DOP1A: variants seen among roughly 807,000 people sequenced by gnomAD.
DOP1A encodes the protein DOP1 leucine zipper like protein A, also known as protein DOP1A.
In DOP1A, 90 loss-of-function variants were observed where a neutral mutation model predicts 267.6. The observed-to-expected ratio is 0.34, with a 90% CI of 0.28 to 0.40. The LOEUF (loss-of-function observed/expected upper bound fraction) is 0.40, where lower values mean the gene tolerates loss of function less well. Among genes scored for constraint, DOP1A ranks in the 10% least tolerant of loss-of-function variants. The probability of loss-of-function intolerance (pLI) is 1.00; values close to 1 mark genes in which losing one functional copy is unlikely to be tolerated. For synonymous variants in DOP1A, 932 were observed against 999.1 expected (o/e 0.93, Z 1.27); for missense variants, 2,437 against 2,900.4 (o/e 0.84, Z 3.67).
At chr6:83,146,097 T>G (rs1021166200) in intron 25 of DOP1A, among the ~76,000 whole-genome samples, 3 of 152,212 alleles carry the variant, frequency 2.0e-5, no homozygotes, top group African/African-American at 7.2e-5. Context: ...TCAATGTCAT[T>G]TCTTGACCAT....
At chr6:83,069,208 G>A (rs1218958528) in intron 1 of DOP1A, among the ~76,000 whole-genome samples, 1 of 152,050 alleles carries the variant, frequency 6.6e-6, no homozygotes, top group East Asian at 1.9e-4. Flanking sequence ...AAAAGACCAG[G>A]GTTTTCCAAA....
chr6:83,134,914 G>A (rs1164821155), intron 19 of DOP1A, among the ~76,000 whole-genome samples: 6 of 152,140 alleles, frequency 3.9e-5, no homozygotes, highest in Non-Finnish European at 8.8e-5. Context: ...AGGATCAGAT[G>A]TGTCCTCTAC....
At chr6:83,077,932 T>G (rs888277568) in intron 1 of DOP1A, among the ~76,000 whole-genome samples, 4 of 152,182 alleles carry the variant, frequency 2.6e-5, no homozygotes, top group Non-Finnish European at 2.9e-5. Flanking sequence ...TGGGCCACAT[T>G]CAAAACTGTT....
intron 1 of DOP1A, among the ~76,000 whole-genome samples, chr6:83,071,730 A>C (rs1785637427): frequency 6.6e-6 from 1 of 152,250 alleles, no homozygotes; most frequent in African/African-American, 2.4e-5. Context: ...AGTTACTTTA[A>C]AAAATAGTAC....
Position 83,122,952 on chromosome 6 carries a change from A to G in DOP1A, c.1310A>G (p.Tyr437Cys), listed in dbSNP as rs980667410. 6.3e-7 allele frequency: 1 copy of G among 1,584,626 alleles called. No homozygotes were observed. The highest frequency in any genetic ancestry group is 8.6e-7 in the Non-Finnish European group (1 of 1,169,524). ...TTCGAACCTTATTATATGTGGGATT[A>G]TGTTGCACGCTGGTTTGAAGAATGT... ...NSFEPYYMWD[Y>C]VARWFEECCR... The change falls in exon 12 of 39, where the codon TAT (tyrosine) becomes TGT (cysteine). Residue 437 changes from tyrosine to cysteine, a missense_variant. Tyr to Cys is a radical substitution (Grantham distance 194). Around this residue, in one of 9 missense-constraint regions of DOP1A, gnomAD observed 498 missense variants for 513.5 expected, o/e 0.97. Coordinates refer to ENST00000349129, the MANE Select transcript of DOP1A (RefSeq NM_015018.4).
intron 4 of DOP1A, among the ~76,000 whole-genome samples, chr6:83,103,225 G>A (rs1772932266): frequency 6.6e-6 from 1 of 152,186 alleles, no homozygotes. Context: ...TCTAAATGAA[G>A]TAACTCAGGA....
At chr6:83,150,805 T>A (rs1293815097) in intron 27 of DOP1A, among the ~76,000 whole-genome samples, 2 of 152,234 alleles carry the variant, frequency 1.3e-5, no homozygotes, top group East Asian at 3.8e-4. Flanking sequence ...TTTTTTAAAC[T>A]TTTCTGTTTA....
At chr6:83,088,619 A>G (rs1769759251) in intron 1 of DOP1A, among the ~76,000 whole-genome samples, 1 of 151,920 alleles carries the variant, frequency 6.6e-6, no homozygotes, top group East Asian at 2.0e-4. Context: ...GACGGGTTTC[A>G]CCATGTTGGC....
chr6:83,119,712 C>T (rs752264980), intron 8 of DOP1A, 36 bp from the exon 9 acceptor site: 3 of 1,573,280 alleles, frequency 1.9e-6, no homozygotes, highest in Non-Finnish European at 2.6e-6. Context: ...TTTGAGAATT[C>T]CATTTTAAGT....
At chr6:83,121,780 CAAAG>C in intron 10 of DOP1A, 146 bp from the exon 11 acceptor site, 2 of 725,560 alleles carry the variant, frequency 2.8e-6, no homozygotes, top group South Asian at 2.3e-5. Flanking sequence ...ATTACCTTCT[CAAAG>C]AAGTGTGAAT....
chr6:83,149,091 A>C (rs887554379), intron 27 of DOP1A, among the ~76,000 whole-genome samples: 6 of 151,272 alleles, frequency 4.0e-5, no homozygotes, highest in African/African-American at 1.5e-4. Flanking sequence ...ATGTAACTAC[A>C]CTAACATAAA....
At chr6:83,118,697 A>G (rs1010030287) in intron 7 of DOP1A, among the ~76,000 whole-genome samples, 191 bp from the exon 8 acceptor site, 2 of 152,214 alleles carry the variant, frequency 1.3e-5, no homozygotes, top group Non-Finnish European at 2.9e-5. Flanking sequence ...GCAGCTAAAT[A>G]GCCATGTTAC....
intron 1 of DOP1A, among the ~76,000 whole-genome samples, chr6:83,085,951 G>A (rs1769145415): frequency 6.6e-6 from 1 of 152,154 alleles, no homozygotes; most frequent in Non-Finnish European, 1.5e-5. Flanking sequence ...AAGAATAGAA[G>A]CAGGAATCAG....
chr6:83,082,383 A>C (rs1582864410), intron 1 of DOP1A, among the ~76,000 whole-genome samples: 1 of 152,256 alleles, frequency 6.6e-6, no homozygotes, highest in African/African-American at 2.4e-5. Context: ...CCTAGAGGAC[A>C]CTGTGTTAAG....
At position 83,166,527 on chromosome 6, in the gene DOP1A, AAAAT is replaced by A. The variant is rs150637901; in HGVS notation, c.7093-1329_7093-1326del. 10,700 of 684,910 alleles carry A rather than the reference AAAAT, an allele frequency of 0.016. 370 individuals carry two copies. Among genetic ancestry groups the A allele is most frequent in the African/African-American group, 0.079 (4,441 of 56,498 alleles). The allele number at this position is 684,910 out of a possible 1,614,324, so 42.4% of individuals were successfully genotyped here. Reference sequence around the variant, plus strand: ...TTGTCTAACATCATTTCCATAGTCTAAAATAAATATAAACAGCAATAAGTCATTA... The same window carrying A: ...TTGTCTAACATCATTTCCATAGTCTAAAATATAAACAGCAATAAGTCATTA... On this transcript the variant is annotated intron_variant, in intron 38 of 38. Transcript: ENST00000349129.
In DOP1A at chr6:83,130,104, CT is replaced by C. The variant is rs1777793039; in HGVS notation, c.2342-18del. ...TGTTTAGTATAATGAACTCTGATTGCTACCATCTTTTGTTTCAGACTGTGAG... is the reference window on the plus strand; with the variant it reads ...TGTTTAGTATAATGAACTCTGATTGCACCATCTTTTGTTTCAGACTGTGAG... On this transcript the variant is annotated intron_variant, in intron 16 of 38. Coordinates refer to ENST00000349129, the MANE Select transcript of DOP1A (RefSeq NM_015018.4). 6 of 1,608,704 alleles carry C rather than the reference CT, an allele frequency of 3.7e-6. No homozygotes were observed. In the East Asian group the frequency reaches 1.3e-4, roughly 36 times the overall value.
chr6:83,093,111 A>T (rs1770770053), intron 1 of DOP1A, among the ~76,000 whole-genome samples: 1 of 152,200 alleles, frequency 6.6e-6, no homozygotes, highest in East Asian at 1.9e-4. Flanking sequence ...TAAAGAGAAA[A>T]ATAAACTATC....
At chr6:83,161,395 A>G (rs1047366978) in intron 37 of DOP1A, among the ~76,000 whole-genome samples, 23 of 152,222 alleles carry the variant, frequency 1.5e-4, no homozygotes, top group African/African-American at 5.5e-4. Flanking sequence ...GGAAAGTTCA[A>G]AATACTTGAT....
intron 8 of DOP1A, among the ~76,000 whole-genome samples, chr6:83,119,347 T>C (rs1775973526): frequency 6.6e-6 from 1 of 152,222 alleles, no homozygotes; most frequent in Non-Finnish European, 1.5e-5. Flanking sequence ...AGTACCATTG[T>C]CTTACACATC....
Sources: gnomAD v4.1 joint callset for allele counts (sites outside exome capture counted in the v4.1 genomes callset) on GRCh38, gnomAD v4.1.1 for gene constraint, gnomAD v4.1.1 regional missense constraint, MANE v1.5 for transcripts, NCBI Gene and HGNC (gene_info 2026-07-23, HGNC 2026-07-21) for gene names.